GPM6A: variants seen among roughly 807,000 people sequenced by gnomAD.
GPM6A encodes the protein glycoprotein M6A.
In GPM6A, 7 loss-of-function variants were observed where a neutral mutation model predicts 32.1. The observed-to-expected ratio is 0.22, with a 90% CI of 0.12 to 0.41. The LOEUF (loss-of-function observed/expected upper bound fraction) is 0.41, where lower values mean the gene tolerates loss of function less well. GPM6A is among the 10% of genes least tolerant of loss of function. GPM6A has a pLI of 1.00. For synonymous variants in GPM6A, 130 were observed against 123.4 expected, an observed-to-expected ratio of 1.05 and a Z score of -0.35; for missense variants, 235 against 347.2, an observed-to-expected ratio of 0.68 and a Z score of 2.57.
intron 3 of GPM6A, among the ~76,000 whole-genome samples, chr4:175,658,081 G>T (rs1380260544): frequency 6.6e-6 from 1 of 152,120 alleles, no homozygotes; most frequent in Non-Finnish European, 1.5e-5. Flanking sequence ...CTATGCTCAA[G>T]TTGTGATCGG....
intron 1 of GPM6A, among the ~76,000 whole-genome samples, chr4:175,881,009 A>G (rs1454977705): frequency 6.6e-6 from 1 of 152,186 alleles, no homozygotes; most frequent in East Asian, 1.9e-4. Flanking sequence ...TAATTAAACT[A>G]AAGAGCTCCT....
chr4:175,965,881 GGATTACA>G (rs564711751), intron 1 of GPM6A, among the ~76,000 whole-genome samples: 64 of 152,118 alleles, frequency 4.2e-4, no homozygotes, highest in Non-Finnish European at 7.1e-4. Context: ...CAAAGTGCTG[GGATTACA>G]GGCGTGAGCC....
chr4:175,842,595 C>G (rs2111387860), intron 1 of GPM6A, among the ~76,000 whole-genome samples: 1 of 152,248 alleles, frequency 6.6e-6, no homozygotes, highest in South Asian at 2.1e-4. Flanking sequence ...GTGACACACA[C>G]CTCCAGCCAC....
At chr4:175,996,509 CT>C (rs1741313052) in intron 1 of GPM6A, among the ~76,000 whole-genome samples, 1 of 152,160 alleles carries the variant, frequency 6.6e-6, no homozygotes, top group South Asian at 2.1e-4. Context: ...CAACTCCACT[CT>C]AAATAAAATG....
chr4:175,860,793 A>G (rs773166736), intron 1 of GPM6A, among the ~76,000 whole-genome samples: 5 of 152,164 alleles, frequency 3.3e-5, no homozygotes, highest in Non-Finnish European at 5.9e-5. Flanking sequence ...TCTTTCCTTA[A>G]TGGTCAGCTA....
chr4:175,851,606 A>G (rs568543068), intron 1 of GPM6A, among the ~76,000 whole-genome samples: 2 of 152,192 alleles, frequency 1.3e-5, no homozygotes, highest in Admixed American at 6.5e-5. Context: ...TCTCTAGTGT[A>G]AAATGGGGAT....
chr4:175,771,152 C>T (rs1409055753), intron 1 of GPM6A, among the ~76,000 whole-genome samples: 2 of 133,458 alleles, frequency 1.5e-5, no homozygotes, highest in Admixed American at 6.9e-5. Context: ...GCTCCTGCTT[C>T]CTTGTTTTTT....
intron 1 of GPM6A, among the ~76,000 whole-genome samples, chr4:175,975,529 G>A (rs1342791192): frequency 3.3e-5 from 5 of 152,152 alleles, no homozygotes; most frequent in African/African-American, 9.7e-5. Context: ...TTTATTTAGC[G>A]AGTAAATGAA....
intron 1 of GPM6A, among the ~76,000 whole-genome samples, chr4:175,709,213 C>A (rs1209374044): frequency 2.6e-5 from 4 of 151,100 alleles, no homozygotes; most frequent in East Asian, 3.9e-4. Context: ...TTTTTTATTT[C>A]ATTCCTTCTT....
chr4:175,728,003 CAAA>C (rs36001392), intron 1 of GPM6A, among the ~76,000 whole-genome samples: 7 of 97,026 alleles, frequency 7.2e-5, no homozygotes, highest in Admixed American at 1.2e-4. Flanking sequence ...GACTCCGTTT[CAAA>C]AAAAAAAAAA....
intron 1 of GPM6A, among the ~76,000 whole-genome samples, chr4:175,829,922 A>C (rs976036124): frequency 4.6e-5 from 7 of 152,030 alleles, no homozygotes; most frequent in Non-Finnish European, 7.4e-5. Context: ...TTTGGATACT[A>C]TAAGATCAAT....
chr4:175,655,479 CTT>C (rs1742026759), intron 3 of GPM6A, among the ~76,000 whole-genome samples: 1 of 151,886 alleles, frequency 6.6e-6, no homozygotes, highest in Non-Finnish European at 1.5e-5. Context: ...TTATTTCTAA[CTT>C]CACATTTTGA....
chr4:175,687,108 GA>G (rs1179431092), intron 2 of GPM6A, among the ~76,000 whole-genome samples: 1 of 152,134 alleles, frequency 6.6e-6, no homozygotes, highest in African/African-American at 2.4e-5. Context: ...AGGCTATATT[GA>G]AGCTACTTTA....
At chr4:175,711,457 T>TATATATATATAC (rs1303046650) in intron 1 of GPM6A, among the ~76,000 whole-genome samples, 12 of 27,988 alleles carry the variant, frequency 4.3e-4, no homozygotes, top group African/African-American at 5.8e-4. Context: ...TATATATATA[T>TATATATATATAC]ACACACACAT....
intron 1 of GPM6A, among the ~76,000 whole-genome samples, chr4:175,721,140 T>A (rs1266450062): frequency 8.3e-5 from 10 of 120,466 alleles, no homozygotes; most frequent in Non-Finnish European, 1.9e-4. Flanking sequence ...AGAATATATA[T>A]ATATTCTAAT....
intron 1 of GPM6A, among the ~76,000 whole-genome samples, chr4:175,707,071 A>G (rs998484801): frequency 2.6e-5 from 4 of 152,064 alleles, no homozygotes; most frequent in Non-Finnish European, 5.9e-5. Flanking sequence ...TTCCCCAAAA[A>G]CTCATGAATT....
intron 1 of GPM6A, among the ~76,000 whole-genome samples, chr4:175,885,734 T>C (rs1388371734): frequency 6.6e-6 from 1 of 152,234 alleles, no homozygotes; most frequent in Non-Finnish European, 1.5e-5. Flanking sequence ...CCATGTTCAT[T>C]GTAGCAGTTG....
intron 1 of GPM6A, among the ~76,000 whole-genome samples, chr4:175,990,666 G>T (rs924590855): frequency 2.0e-5 from 3 of 150,734 alleles, no homozygotes; most frequent in Admixed American, 2.0e-4. Flanking sequence ...TTTAACCAGG[G>T]AATGGTTGGT....
chr4:175,888,964 A>T (rs1737547209), intron 1 of GPM6A, among the ~76,000 whole-genome samples: 2 of 152,198 alleles, frequency 1.3e-5, no homozygotes, highest in Admixed American at 6.5e-5. Flanking sequence ...GAAGAATGTA[A>T]TTAAATATAG....
Sources: allele counts gnomAD v4.1 joint callset (sites outside exome capture counted in the v4.1 genomes callset), GRCh38; gene constraint gnomAD v4.1.1; transcripts MANE v1.5; gene names NCBI Gene and HGNC (gene_info 2026-07-23, HGNC 2026-07-21).